The following TRPC5 variants were observed in gnomAD, a reference collection of about 807,000 sequenced individuals.
The protein encoded by TRPC5 is short transient receptor potential channel 5.
A neutral mutation model predicts 56.5 loss-of-function variants in TRPC5; 9 were observed. The observed-to-expected ratio is 0.16, with a 90% CI of 0.10 to 0.28. The LOEUF is 0.28. Among genes scored for constraint, TRPC5 ranks in the 10% least tolerant of loss-of-function variants. TRPC5 has a pLI of 1.00. For synonymous variants in TRPC5, 282 were observed against 278.5 expected (o/e 1.01, Z -0.13); for missense variants, 469 against 748.9 (o/e 0.63, Z 4.36).
chrX:111,801,652 G>A (rs1413070063), intron 7 of TRPC5, among the ~76,000 whole-genome samples: 1 of 112,000 alleles, frequency 8.9e-6, no homozygotes, highest in Non-Finnish European at 1.9e-5. Flanking sequence ...ATGATGTTGA[G>A]GATGTTACAA....
rs371272575 is a variant in TRPC5, at chrX:111,772,850, C to T, written c.*3463G>A. ...TAAAACTATTAGTCAAAACACCACACGAGATTCACCCATGATGTAACATGA... is the reference window on the plus strand; with the variant it reads ...TAAAACTATTAGTCAAAACACCACATGAGATTCACCCATGATGTAACATGA... On this transcript the variant is annotated 3_prime_UTR_variant, in exon 11 of 11. Coordinates refer to ENST00000262839, the MANE Select transcript of TRPC5 (RefSeq NM_012471.3). Among the ~76,000 whole-genome samples, 105 of 111,210 alleles carry T rather than the reference C, an allele frequency of 9.4e-4. No homozygotes were observed. The highest frequency in any genetic ancestry group is 3.0e-3 in the African/African-American group (92 of 30,685).
rs184289451 is a variant in TRPC5, at chrX:111,918,207, G to A, written c.379-5395C>T. 5.4e-5 allele frequency among the ~76,000 whole-genome samples: 6 copies of A among 111,604 alleles called. No homozygotes were observed. The Admixed American group carries it at 5.7e-4, about 11-fold the overall frequency. On this transcript the variant is annotated intron_variant, in intron 2 of 10. Coordinates refer to ENST00000262839, the MANE Select transcript of TRPC5 (RefSeq NM_012471.3). ...AAGGATGCCTTATCCTCAGAGACTGGAGGAAAAAAGGTGAGTTGAATGGAG... is the reference window on the plus strand; with the variant it reads ...AAGGATGCCTTATCCTCAGAGACTGAAGGAAAAAAGGTGAGTTGAATGGAG...
At chrX:111,852,103 C>T (rs1169495815) in intron 5 of TRPC5, among the ~76,000 whole-genome samples, 195 bp downstream of exon 5, 1 of 112,287 alleles carries the variant, frequency 8.9e-6, no homozygotes, top group Admixed American at 9.4e-5. Flanking sequence ...GCAAATTGTT[C>T]CATTTTCCAC....
Position 111,857,514 on chromosome X carries a change from A to G in TRPC5, c.901-3408T>C, listed in dbSNP as rs182182219. ...AGTGCATGCCTTTTTAAGACTGTCA[A>G]ATTAGATTTGTCTGTGAGACATCTA... On this transcript the variant is annotated intron_variant, in intron 3 of 10. Transcript: ENST00000262839. Among the ~76,000 whole-genome samples the G allele has an allele frequency of 2.7e-5, 3 of 112,573 alleles. No individual in the cohort carries two copies. In the East Asian group the frequency reaches 8.4e-4, roughly 32 times the overall value.
intron 7 of TRPC5, among the ~76,000 whole-genome samples, chrX:111,803,500 C>T (rs138796266): frequency 0.023 from 2,546 of 112,015 alleles, 60 homozygotes; most frequent in African/African-American, 0.078. Context: ...TATTTCTCCA[C>T]ATCCTCTCCA....
intron 3 of TRPC5, among the ~76,000 whole-genome samples, chrX:111,895,772 C>G (rs1925034207): frequency 9.0e-6 from 1 of 111,447 alleles, no homozygotes; most frequent in African/African-American, 3.3e-5. Flanking sequence ...CTGTAACTAG[C>G]CTTGATATCT....
intron 1 of TRPC5, among the ~76,000 whole-genome samples, chrX:112,081,583 G>A (rs1217618659): frequency 1.8e-5 from 2 of 111,554 alleles, no homozygotes; most frequent in Non-Finnish European, 3.8e-5. Flanking sequence ...ATTGTCCAGG[G>A]ATAGGACAAA....
At chrX:111,989,879 T>C (rs1160158578) in intron 1 of TRPC5, among the ~76,000 whole-genome samples, 1 of 111,669 alleles carries the variant, frequency 9.0e-6, no homozygotes, top group African/African-American at 3.3e-5. Flanking sequence ...TTTTCACATA[T>C]GTAGAAGTAT....
intron 1 of TRPC5, among the ~76,000 whole-genome samples, chrX:112,037,514 T>A (rs1451544969): frequency 8.9e-6 from 1 of 111,796 alleles, no homozygotes; most frequent in Non-Finnish European, 1.9e-5. Context: ...CTTGACCTTA[T>A]CTTTTTCCCC....
intron 3 of TRPC5, among the ~76,000 whole-genome samples, chrX:111,904,893 A>C (rs899292844): frequency 5.4e-5 from 6 of 111,775 alleles, no homozygotes; most frequent in Middle Eastern, 4.6e-3. Flanking sequence ...TTTCTAAGAG[A>C]TAAGAGCTTT....
intron 1 of TRPC5, among the ~76,000 whole-genome samples, chrX:112,002,657 A>G (rs1238660812): frequency 1.8e-5 from 2 of 112,062 alleles, no homozygotes; most frequent in Non-Finnish European, 3.8e-5. Flanking sequence ...CACATGTAGT[A>G]CCATGTTCCA....
At chrX:111,856,563 A>AATG (rs1280837690) in intron 3 of TRPC5, among the ~76,000 whole-genome samples, 1 of 104,192 alleles carries the variant, frequency 9.6e-6, no homozygotes, top group East Asian at 3.0e-4. Context: ...TAATAATAAT[A>AATG]ATAATAATAA....
intron 3 of TRPC5, among the ~76,000 whole-genome samples, chrX:111,891,709 TTTTTGTAG>T (rs1022907366): frequency 1.8e-5 from 2 of 110,197 alleles, no homozygotes; most frequent in African/African-American, 6.6e-5. Flanking sequence ...CCCAGCTAAT[TTTTTGTAG>T]TTTTGTAGTT....
At chrX:111,847,714 G>A (rs1922972221) in intron 5 of TRPC5, among the ~76,000 whole-genome samples, 1 of 111,897 alleles carries the variant, frequency 8.9e-6, no homozygotes, top group Admixed American at 9.5e-5. Flanking sequence ...GCAACCACCT[G>A]TGGCTTATCA....
chrX:111,939,191 T>G (rs772098400), intron 2 of TRPC5, among the ~76,000 whole-genome samples: 11 of 112,213 alleles, frequency 9.8e-5, no homozygotes, highest in African/African-American at 3.6e-4. Context: ...GTTGATATTA[T>G]GTATCACATT....
chrX:111,967,423 C>T (rs747821567), intron 1 of TRPC5, among the ~76,000 whole-genome samples: 3,414 of 111,021 alleles, frequency 0.031, 127 homozygotes, highest in African/African-American at 0.11. Flanking sequence ...TTTATAGATT[C>T]AATGCCATCC....
chrX:112,021,332 C>G (rs1388514173), intron 1 of TRPC5, among the ~76,000 whole-genome samples: 1 of 111,628 alleles, frequency 9.0e-6, no homozygotes, highest in Non-Finnish European at 1.9e-5. Flanking sequence ...ATAAACGAAA[C>G]AAAAACAGAA....
intron 1 of TRPC5, among the ~76,000 whole-genome samples, chrX:111,994,655 C>A (rs750431913): frequency 9.0e-6 from 1 of 111,286 alleles, no homozygotes; most frequent in Non-Finnish European, 1.9e-5. Context: ...ATTTTATTCT[C>A]TTTTTAGCCA....
chrX:111,789,649 T>C (rs1946001518), intron 7 of TRPC5, among the ~76,000 whole-genome samples: 2 of 111,792 alleles, frequency 1.8e-5, no homozygotes, highest in African/African-American at 6.5e-5. Flanking sequence ...TGGGAGAAAA[T>C]TTGTGCAATC....
Sources: gnomAD v4.1 joint callset for allele counts (sites outside exome capture counted in the v4.1 genomes callset) on GRCh38, gnomAD v4.1.1 for gene constraint, MANE v1.5 for transcripts, NCBI Gene and HGNC (gene_info 2026-07-23, HGNC 2026-07-21) for gene names.